CDKN2B-AS1: variants seen among roughly 807,000 people sequenced by gnomAD.
CDKN2B-AS1 encodes the protein CDKN2B and CDKN2A antisense cis and trans regulatory RNA 1, also known as CDKN2B antisense RNA 1 (non-protein coding).
chr9:22,077,546 C>T (rs977311171), intron 4 of CDKN2B-AS1: 4 of 152,064 alleles, frequency 2.6e-5, no homozygotes, highest in Admixed American at 1.3e-4. Flanking sequence ...AATTTCAGCT[C>T]TTTGGTTCCA....
intron 1 of CDKN2B-AS1, chr9:22,046,738 C>T (rs1823126467): frequency 6.6e-6 from 1 of 152,056 alleles, no homozygotes; most frequent in Non-Finnish European, 1.5e-5. Context: ...CCTCTTTTTT[C>T]TCCTACATCC....
At chr9:22,002,673 A>G (rs2060184979) in intron 1 of CDKN2B-AS1, among the ~76,000 whole-genome samples, 2 of 152,074 alleles carry the variant, frequency 1.3e-5, no homozygotes, top group South Asian at 4.1e-4. Context: ...TTAGGGAAAT[A>G]AAATATCATG....
intron 1 of CDKN2B-AS1, among the ~76,000 whole-genome samples, chr9:22,009,976 G>A (rs1279078195): frequency 6.7e-6 from 1 of 150,044 alleles, no homozygotes; most frequent in East Asian, 1.9e-4. Flanking sequence ...TGGCAACCTG[G>A]CACACATAAG....
At chr9:22,022,289 A>T (rs1563927748) in intron 1 of CDKN2B-AS1, among the ~76,000 whole-genome samples, 1 of 151,654 alleles carries the variant, frequency 6.6e-6, no homozygotes, top group Non-Finnish European at 1.5e-5. Context: ...TGTGGGAGTC[A>T]GTCTCTTTGA....
chr9:22,020,141 G>A (rs915443254), intron 1 of CDKN2B-AS1, among the ~76,000 whole-genome samples: 1 of 152,252 alleles, frequency 6.6e-6, no homozygotes, highest in Non-Finnish European at 1.5e-5. Context: ...TTCTGTTCCT[G>A]CATTAGTTTG....
At chr9:22,079,202 G>T (rs984645578) in intron 4 of CDKN2B-AS1, among the ~76,000 whole-genome samples, 12 of 152,218 alleles carry the variant, frequency 7.9e-5, no homozygotes, top group Admixed American at 3.3e-4. Context: ...GCTGAAAAGT[G>T]GCCGGGTGCA....
intron 1 of CDKN2B-AS1, among the ~76,000 whole-genome samples, chr9:22,023,460 G>A (rs1162697898): frequency 6.6e-6 from 1 of 152,052 alleles, no homozygotes; most frequent in African/African-American, 2.4e-5. Flanking sequence ...GGGGTTGGGA[G>A]TGGTGGCTCA....
chr9:22,007,983 TG>T (rs1821280535), intron 1 of CDKN2B-AS1, among the ~76,000 whole-genome samples: 1 of 152,150 alleles, frequency 6.6e-6, no homozygotes, highest in Admixed American at 6.5e-5. Context: ...AGGTGAGTAC[TG>T]AATATGACCA....
chr9:22,125,499 C>T (rs1231049659), intron 4 of CDKN2B-AS1, among the ~76,000 whole-genome samples: 1 of 152,172 alleles, frequency 6.6e-6, no homozygotes. Context: ...ATATGATCAA[C>T]AGTTGAAAAG....
At chr9:22,061,959 C>A (rs1823840728) in intron 4 of CDKN2B-AS1, 1 of 152,104 alleles carries the variant, frequency 6.6e-6, no homozygotes, top group Admixed American at 6.5e-5. Flanking sequence ...TCAGATATGA[C>A]ACATTCATAA....
chr9:22,054,736 T>C (rs1823486388), intron 3 of CDKN2B-AS1, among the ~76,000 whole-genome samples: 1 of 150,804 alleles, frequency 6.6e-6, no homozygotes, highest in African/African-American at 2.4e-5. Flanking sequence ...ATTTTTTTAT[T>C]TTATAAGCCT....
chr9:22,095,942 G>C (rs1166511174), intron 4 of CDKN2B-AS1, among the ~76,000 whole-genome samples: 5 of 151,880 alleles, frequency 3.3e-5, no homozygotes, highest in Admixed American at 1.3e-4. Context: ...TTGCTTGGTA[G>C]ATCTTCCTCC....
chr9:22,065,442 T>C (rs1462926985), intron 4 of CDKN2B-AS1, among the ~76,000 whole-genome samples: 1 of 152,206 alleles, frequency 6.6e-6, no homozygotes, highest in Admixed American at 6.5e-5. Flanking sequence ...TTCTAGACTT[T>C]CATGAAGATA....
At chr9:22,103,277 T>C (rs1434629719) in intron 4 of CDKN2B-AS1, among the ~76,000 whole-genome samples, 1 of 152,006 alleles carries the variant, frequency 6.6e-6, no homozygotes, top group Non-Finnish European at 1.5e-5. Context: ...ACCACTGATA[T>C]ATAGCTGGAA....
chr9:22,081,865 C>T (rs1052501848), intron 4 of CDKN2B-AS1, among the ~76,000 whole-genome samples: 26 of 152,346 alleles, frequency 1.7e-4, no homozygotes, highest in Middle Eastern at 3.4e-3. Context: ...CTATCATCAT[C>T]ATTTTTGGGG....
chr9:22,114,593 C>A (rs1825896070), intron 4 of CDKN2B-AS1, among the ~76,000 whole-genome samples: 1 of 152,222 alleles, frequency 6.6e-6, no homozygotes, highest in Admixed American at 6.5e-5. Flanking sequence ...TAAGGCAAAG[C>A]TGCCCACCAG....
At chr9:22,022,515 C>T (rs551036999) in intron 1 of CDKN2B-AS1, among the ~76,000 whole-genome samples, 9 of 152,096 alleles carry the variant, frequency 5.9e-5, no homozygotes, top group African/African-American at 2.2e-4. Flanking sequence ...ATATTTTTCT[C>T]CATCCTTTTA....
At chr9:22,101,494 T>C (rs1182492874) in intron 4 of CDKN2B-AS1, among the ~76,000 whole-genome samples, 3 of 152,206 alleles carry the variant, frequency 2.0e-5, no homozygotes, top group Non-Finnish European at 4.4e-5. Context: ...TTATATCTTG[T>C]TACCTGACCT....
intron 1 of CDKN2B-AS1, among the ~76,000 whole-genome samples, chr9:22,034,389 C>T (rs1822600240): frequency 6.6e-6 from 1 of 152,114 alleles, no homozygotes; most frequent in Non-Finnish European, 1.5e-5. Context: ...CCCTGACTTT[C>T]TGCCTTAGGT....
Sources: allele counts gnomAD v4.1 joint callset (sites outside exome capture counted in the v4.1 genomes callset), GRCh38; gene constraint gnomAD v4.1.1; transcripts MANE v1.5; gene names NCBI Gene and HGNC (gene_info 2026-07-23, HGNC 2026-07-21).